FRAS1: variants seen among roughly 807,000 people sequenced by gnomAD.
FRAS1 encodes the protein extracellular matrix organizing protein FRAS1.
Under a neutral mutation model 435.2 loss-of-function variants are expected in FRAS1, and 290 were observed. The ratio of observed to expected loss-of-function variants is 0.67; its 90% CI spans 0.61 to 0.73. FRAS1 has a LOEUF of 0.73. Ranked by LOEUF, FRAS1 falls within the 30% of genes least tolerant of loss-of-function variation. The pLI, the probability that FRAS1 is intolerant of heterozygous loss-of-function variation, is 0.00. For missense variants in FRAS1, 4,860 were observed against 5,001.5 expected, an observed-to-expected ratio of 0.97 and a Z score of 0.85; for synonymous variants, 1,800 against 1,851.0, an observed-to-expected ratio of 0.97 and a Z score of 0.71.
chr4:78,450,469 TCTTC>T lies in FRAS1; in HGVS notation c.6463+134_6463+137del. On this transcript the variant is annotated intron_variant, in intron 45 of 73. Coordinates refer to ENST00000512123, the MANE Select transcript of FRAS1 (RefSeq NM_025074.7). The stretch of plus-strand genomic sequence containing the variant: ...TTGTTTTGAGGAGCTTCATTTGTTC[TCTTC>T]CTTGTTTTCTTATTTTTTTTTTCTT... 11 of 722,156 alleles carry T rather than the reference TCTTC, an allele frequency of 1.5e-5. No individual in the cohort carries two copies. The South Asian group carries it at 1.7e-4, about 11-fold the overall frequency. The allele number at this position is 722,156 out of a possible 1,614,324, so 44.7% of individuals were successfully genotyped here.
At chr4:78,508,147 A>G (rs941688837) in intron 62 of FRAS1, among the ~76,000 whole-genome samples, 2 of 152,214 alleles carry the variant, frequency 1.3e-5, no homozygotes, top group African/African-American at 2.4e-5. Context: ...CTTGGGGTGA[A>G]TAGAATGAAT....
intron 18 of FRAS1, chr4:78,319,620 T>G: frequency 3.5e-6 from 1 of 288,902 alleles, no homozygotes; most frequent in Admixed American, 4.1e-5. Context: ...TGTAAACATA[T>G]GTTCATTAAA....
In FRAS1 at chr4:78,426,990, A is replaced by G. The variant is rs185855594; in HGVS notation, c.4712-2105A>G. Among the ~76,000 whole-genome samples, 442 of 152,302 alleles carry G rather than the reference A, an allele frequency of 2.9e-3. 1 individual carries two copies. The highest frequency in any genetic ancestry group is 9.9e-3 in the African/African-American group (412 of 41,572). ...TACCTTTTCCCTCCTCCTGTAAAATAAGGATGTTGAAAGCTTCCTGGACTT... is the reference window on the plus strand; with the variant it reads ...TACCTTTTCCCTCCTCCTGTAAAATGAGGATGTTGAAAGCTTCCTGGACTT... On this transcript the variant is annotated intron_variant, in intron 35 of 73. Coordinates refer to ENST00000512123, the MANE Select transcript of FRAS1 (RefSeq NM_025074.7).
At chr4:78,377,517 G>A (rs1296400384) in intron 26 of FRAS1, among the ~76,000 whole-genome samples, 2 of 152,224 alleles carry the variant, frequency 1.3e-5, no homozygotes, top group Non-Finnish European at 2.9e-5. Context: ...AAAACAACTT[G>A]CAGGAGACGG....
chr4:78,376,769 T>A (rs1313719295), intron 26 of FRAS1, among the ~76,000 whole-genome samples: 1 of 152,084 alleles, frequency 6.6e-6, no homozygotes, highest in East Asian at 1.9e-4. Flanking sequence ...GGCAGGCAGA[T>A]CATCTGAGGT....
At chr4:78,112,818 T>C (rs927633449) in intron 2 of FRAS1, among the ~76,000 whole-genome samples, 1 of 151,802 alleles carries the variant, frequency 6.6e-6, no homozygotes, top group African/African-American at 2.4e-5. Context: ...ACTTTATTAT[T>C]TATTTATTTA....
In FRAS1 at chr4:78,460,005, A is replaced by G. The variant is rs184521250; in HGVS notation, c.6764-4016A>G. Reference sequence around the variant, plus strand: ...ATACTGGGGCTTGGGACTTCAACATATGAATTTGTGGTGGGGAAAGGGTGC... The same window carrying G: ...ATACTGGGGCTTGGGACTTCAACATGTGAATTTGTGGTGGGGAAAGGGTGC... On this transcript the variant is annotated intron_variant, in intron 47 of 73. Transcript: ENST00000512123. Among the ~76,000 whole-genome samples, 5 of 152,320 alleles carry G rather than the reference A, an allele frequency of 3.3e-5. No individual in the cohort carries two copies. In the East Asian group the frequency reaches 9.6e-4, roughly 29 times the overall value.
At chr4:78,435,859 C>T (rs977626236) in intron 38 of FRAS1, among the ~76,000 whole-genome samples, 2 of 152,034 alleles carry the variant, frequency 1.3e-5, no homozygotes, top group Non-Finnish European at 2.9e-5. Flanking sequence ...TTGTATACTG[C>T]CTCACACCCT....
Position 78,470,003 on chromosome 4 carries a change from T to A in FRAS1, c.7283T>A (p.Phe2428Tyr). Residue 2428 changes from phenylalanine to tyrosine, a missense_variant, in exon 51 of 74, where the codon TTC becomes TAC. Transcript: ENST00000512123. The part of the protein sequence containing the change: ...KEIMTAAPQP[F>Y]RVDILPVDDG... ...ATTATGACAGCAGCACCTCAGCCGT[T>A]CCGAGTAGACATCCTCCCGGTAGAT... 1 of 1,613,690 alleles carries A rather than the reference T, an allele frequency of 6.2e-7. No homozygotes were observed. Among genetic ancestry groups the A allele is most frequent in the Non-Finnish European group, 8.5e-7 (1 of 1,179,778 alleles).
At chr4:78,193,132 G>A (rs1407882225) in intron 2 of FRAS1, among the ~76,000 whole-genome samples, 32 of 152,220 alleles carry the variant, frequency 2.1e-4, no homozygotes, top group Non-Finnish European at 5.9e-5. Context: ...ACTGTGGTCT[G>A]AGAGACAGTT....
chr4:78,302,842 G>A (rs1262955725), intron 14 of FRAS1, among the ~76,000 whole-genome samples: 2 of 152,118 alleles, frequency 1.3e-5, no homozygotes, highest in Non-Finnish European at 1.5e-5. Context: ...CTTTTGCTGT[G>A]CAGAGGCTCT....
rs1049310910 is a variant in FRAS1 at position 78,464,237 on chromosome 4, G to A, written c.6888+92G>A. 17 of 1,478,020 alleles carry A rather than the reference G, an allele frequency of 1.2e-5. No homozygotes were observed. The African/African-American group carries it at 2.2e-4, about 20-fold the overall frequency. The allele number at this position is 1,478,020 out of a possible 1,614,324, so 91.6% of individuals were successfully genotyped here. The stretch of plus-strand genomic sequence containing the variant: ...AGGCAGAGTGACTGGTGAGAGAAGA[G>A]CTTCATTTTCCTCTGCTCTCAGTCA... On this transcript the variant is annotated intron_variant, in intron 48 of 73. Transcript: ENST00000512123.
At chr4:78,381,182 G>A (rs1362222554) in intron 27 of FRAS1, among the ~76,000 whole-genome samples, 2 of 152,124 alleles carry the variant, frequency 1.3e-5, no homozygotes, top group African/African-American at 4.8e-5. Context: ...TTCCATCCTC[G>A]AAGGACAAAA....
At chr4:78,430,213 G>T in intron 36 of FRAS1, 79 bp from the exon 37 acceptor site, 1 of 1,562,520 alleles carries the variant, frequency 6.4e-7, no homozygotes, top group Non-Finnish European at 8.8e-7. Context: ...CTCCTAGCCT[G>T]GCCTGCGGTT....
intron 2 of FRAS1, among the ~76,000 whole-genome samples, chr4:78,074,061 G>A (rs1000055602): frequency 2.6e-5 from 4 of 151,318 alleles, no homozygotes; most frequent in Non-Finnish European, 5.9e-5. Context: ...GGAGGCTCTT[G>A]AGTTTGGGTC....
chr4:78,218,662 A>C (rs1723910297), intron 2 of FRAS1, among the ~76,000 whole-genome samples: 1 of 152,204 alleles, frequency 6.6e-6, no homozygotes, highest in Admixed American at 6.5e-5. Flanking sequence ...GCAGAGAGTT[A>C]GCCCCAGAAT....
At chr4:78,516,705 A>C (rs1721225875) in intron 66 of FRAS1, among the ~76,000 whole-genome samples, 2 of 152,232 alleles carry the variant, frequency 1.3e-5, no homozygotes, top group Non-Finnish European at 2.9e-5. Context: ...GACATGTCTT[A>C]CATGGTGGCA....
chr4:78,071,158 A>T (rs766208375), intron 2 of FRAS1: 1 of 152,210 alleles, frequency 6.6e-6, no homozygotes, highest in African/African-American at 2.4e-5. Context: ...AAAATGTGGA[A>T]TGTTGACTAT....
At chr4:78,126,930 G>A (rs912530388) in intron 2 of FRAS1, among the ~76,000 whole-genome samples, 1 of 152,094 alleles carries the variant, frequency 6.6e-6, no homozygotes, top group Non-Finnish European at 1.5e-5. Flanking sequence ...AGATAATGAA[G>A]TCACTCAGAA....
Sources: allele counts gnomAD v4.1 joint callset (sites outside exome capture counted in the v4.1 genomes callset), GRCh38; gene constraint gnomAD v4.1.1; transcripts MANE v1.5; gene names NCBI Gene and HGNC (gene_info 2026-07-23, HGNC 2026-07-21).